Variants in RASSF8 observed in about 807,000 individuals in gnomAD.
RASSF8 encodes the protein Ras association domain family member 8, also known as ras association domain-containing protein 8.
Under a neutral mutation model 48.5 loss-of-function variants are expected in RASSF8, and 22 were observed. The ratio of observed to expected loss-of-function variants is 0.45; its 90% CI spans 0.32 to 0.65. RASSF8 has a LOEUF of 0.65. Among genes scored for constraint, RASSF8 ranks in the 30% least tolerant of loss-of-function variants. RASSF8 has a pLI of 0.03. For missense variants in RASSF8, 418 were observed against 489.2 expected, an observed-to-expected ratio of 0.85 and a Z score of 1.37; for synonymous variants, 127 against 171.5, an observed-to-expected ratio of 0.74 and a Z score of 2.03.
At chr12:26,037,894 G>T (rs1449311550) in intron 2 of RASSF8, among the ~76,000 whole-genome samples, 1 of 152,216 alleles carries the variant, frequency 6.6e-6, no homozygotes, top group Non-Finnish European at 1.5e-5. Context: ...TAGCCAGCTA[G>T]CCTGAGTGTG....
chr12:26,040,310 T>C (rs1014232812), intron 2 of RASSF8, among the ~76,000 whole-genome samples: 4 of 152,218 alleles, frequency 2.6e-5, no homozygotes, highest in African/African-American at 9.6e-5. Context: ...CTTATCATTC[T>C]GCCACTAGTA....
At chr12:25,995,611 G>A (rs915067711) in intron 2 of RASSF8, among the ~76,000 whole-genome samples, 1 of 152,052 alleles carries the variant, frequency 6.6e-6, no homozygotes, top group Non-Finnish European at 1.5e-5. Context: ...TTTAGCTTGT[G>A]TTTCCATTTT....
chr12:25,964,636 T>G (rs1941314968), intron 1 of RASSF8, among the ~76,000 whole-genome samples: 1 of 152,202 alleles, frequency 6.6e-6, no homozygotes, highest in Non-Finnish European at 1.5e-5. Flanking sequence ...GATACAAGTA[T>G]ATATGTTTAA....
At chr12:26,058,628 A>G (rs1339315720) in intron 3 of RASSF8, among the ~76,000 whole-genome samples, 1 of 152,238 alleles carries the variant, frequency 6.6e-6, no homozygotes, top group Non-Finnish European at 1.5e-5. Context: ...TTAGGAAACC[A>G]TAGAAACTAT....
intron 2 of RASSF8, among the ~76,000 whole-genome samples, chr12:26,025,333 A>G (rs2669553): frequency 0.72 from 108,753 of 151,760 alleles, 39,045 homozygotes; most frequent in South Asian, 0.79. Flanking sequence ...CGAGGCGGGC[A>G]GATCACGAGG....
chr12:26,071,778 A>G lies in RASSF8; in HGVS notation c.*2960A>G. Reference sequence around the variant, plus strand: ...CAAATTAGTCATAAACAAGAGCTACAGCAAGACTGATAGAGTAAAAACTAT... The same window carrying G: ...CAAATTAGTCATAAACAAGAGCTACGGCAAGACTGATAGAGTAAAAACTAT... On this transcript the variant is annotated 3_prime_UTR_variant, in exon 6 of 6. Coordinates refer to ENST00000689635, the MANE Select transcript of RASSF8 (RefSeq NM_001394098.1). 1.0e-6 allele frequency: 1 copy of G among 982,404 alleles called. No individual in the cohort carries two copies. The allele number at this position is 982,404 out of a possible 1,614,324, so 60.9% of individuals were successfully genotyped here.
intron 2 of RASSF8, among the ~76,000 whole-genome samples, chr12:26,015,545 A>G (rs1942628455): frequency 6.6e-6 from 1 of 152,174 alleles, no homozygotes; most frequent in South Asian, 2.1e-4. Context: ...ATCTCATCCA[A>G]ATTAATGTGT....
chr12:26,049,488 C>T (rs1044274993), intron 2 of RASSF8, among the ~76,000 whole-genome samples: 2 of 152,192 alleles, frequency 1.3e-5, no homozygotes, highest in African/African-American at 4.8e-5. Context: ...GAAATAAGTG[C>T]CATCCTTCAG....
intron 2 of RASSF8, among the ~76,000 whole-genome samples, chr12:26,002,547 G>A (rs552430773): frequency 1.1e-4 from 16 of 152,218 alleles, no homozygotes; most frequent in East Asian, 3.9e-4. Context: ...AGGCCAAGGC[G>A]GGCAGATCAC....
chr12:26,014,464 G>A (rs1047446485), intron 2 of RASSF8, among the ~76,000 whole-genome samples: 3 of 152,160 alleles, frequency 2.0e-5, no homozygotes, highest in African/African-American at 7.2e-5. Context: ...TGTTTTATAG[G>A]AAGAACAGAC....
At chr12:26,046,830 A>G (rs1375392273) in intron 2 of RASSF8, among the ~76,000 whole-genome samples, 1 of 152,238 alleles carries the variant, frequency 6.6e-6, no homozygotes, top group Non-Finnish European at 1.5e-5. Flanking sequence ...AATATCACAG[A>G]TATAGTTATA....
intron 2 of RASSF8, among the ~76,000 whole-genome samples, chr12:25,996,255 A>G (rs73077152): frequency 2.0e-5 from 3 of 152,180 alleles, no homozygotes; most frequent in Non-Finnish European, 4.4e-5. Context: ...TGCCATTTGT[A>G]ATATGGCCTA....
At chr12:25,960,940 A>G (rs1018227451) in intron 1 of RASSF8, among the ~76,000 whole-genome samples, 1 of 152,206 alleles carries the variant, frequency 6.6e-6, no homozygotes, top group African/African-American at 2.4e-5. Flanking sequence ...ATGTTTCCTG[A>G]ATTTGGCATT....
intron 2 of RASSF8, among the ~76,000 whole-genome samples, chr12:25,999,032 T>C (rs1316844269): frequency 6.6e-6 from 1 of 152,060 alleles, no homozygotes; most frequent in East Asian, 1.9e-4. Flanking sequence ...GCTTAAACAA[T>C]AAACAAGACA....
chr12:25,962,641 C>G (rs1941263997), intron 1 of RASSF8, among the ~76,000 whole-genome samples: 1 of 151,670 alleles, frequency 6.6e-6, no homozygotes, highest in Non-Finnish European at 1.5e-5. Context: ...CCCAGTTGGT[C>G]TTAAACTCCT....
At chr12:25,972,158 A>G (rs1014224718) in intron 1 of RASSF8, among the ~76,000 whole-genome samples, 1 of 152,228 alleles carries the variant, frequency 6.6e-6, no homozygotes, top group Non-Finnish European at 1.5e-5. Flanking sequence ...TTCATATTAC[A>G]TGGATGACTT....
At chr12:25,979,699 C>G (rs1941692432) in intron 1 of RASSF8, among the ~76,000 whole-genome samples, 1 of 152,156 alleles carries the variant, frequency 6.6e-6, no homozygotes. Flanking sequence ...GGATTCGAGG[C>G]CAAGGGCAGC....
At chr12:25,979,875 G>C (rs1941697660) in intron 1 of RASSF8, among the ~76,000 whole-genome samples, 2 of 152,164 alleles carry the variant, frequency 1.3e-5, no homozygotes, top group Non-Finnish European at 2.9e-5. Context: ...AGCAGCACAG[G>C]GAGTGTTTCA....
At chr12:26,010,959 C>T (rs185951371) in intron 2 of RASSF8, among the ~76,000 whole-genome samples, 3 of 152,180 alleles carry the variant, frequency 2.0e-5, no homozygotes, top group Non-Finnish European at 2.9e-5. Context: ...GTTGTAAGGG[C>T]CCTCATACCA....
Sources: allele counts gnomAD v4.1 joint callset (sites outside exome capture counted in the v4.1 genomes callset), GRCh38; gene constraint gnomAD v4.1.1; transcripts MANE v1.5; gene names NCBI Gene and HGNC (gene_info 2026-07-23, HGNC 2026-07-21).